The following PLG variants were observed in gnomAD, a reference collection of about 807,000 sequenced individuals.
PLG encodes the protein plasmin.
A neutral mutation model predicts 104.4 loss-of-function variants in PLG; 41 were observed. The ratio of observed to expected loss-of-function variants is 0.39; its 90% CI spans 0.31 to 0.51. The LOEUF is 0.51. Ranked by LOEUF, PLG falls within the 20% of genes least tolerant of loss-of-function variation. The pLI is 0.76. For missense variants in PLG, 891 were observed against 1,003.6 expected, an observed-to-expected ratio of 0.89 and a Z score of 1.52; for synonymous variants, 337 against 357.1, an observed-to-expected ratio of 0.94 and a Z score of 0.63.
At chr6:160,747,574 T>G (rs1458995309) in intron 17 of PLG, among the ~76,000 whole-genome samples, 1 of 152,184 alleles carries the variant, frequency 6.6e-6, no homozygotes, top group Non-Finnish European at 1.5e-5. Flanking sequence ...CATTTTCAAG[T>G]GGTGTTTTTC....
chr6:160,738,970 G>T lies in PLG; in HGVS notation c.1878-98G>T. On this transcript the variant is annotated intron_variant, in intron 15 of 18. Coordinates refer to ENST00000308192, the MANE Select transcript of PLG (RefSeq NM_000301.5). This position sits in a 1 kb window ranked among gnomAD's most constrained non-coding sequence, Gnocchi z 6.8. Reference sequence around the variant, plus strand: ...CACTCAGAAGTCACTAATTCTGAGTGGCCAAGGGTGTCAGGGAGACAGCAC... The same window carrying T: ...CACTCAGAAGTCACTAATTCTGAGTTGCCAAGGGTGTCAGGGAGACAGCAC... The T allele has an allele frequency of 7.1e-7, 1 of 1,409,752 alleles. No homozygotes were observed. The highest frequency in any genetic ancestry group is 1.2e-5 in the South Asian group (1 of 86,432). 87.3% of individuals were successfully genotyped at this position (1,409,752 alleles called of 1,614,324 possible). A position where few individuals can be genotyped will look rare whatever the true frequency, so the allele number is the denominator to read the frequency against.
chr6:160,748,358 A>AAG (rs1778317413), intron 17 of PLG, among the ~76,000 whole-genome samples: 1 of 35,174 alleles, frequency 2.8e-5, no homozygotes, highest in African/African-American at 1.0e-4. Context: ...AAGAGAAAGA[A>AAG]AGAAAGAAAG....
rs1404070341 is a variant in PLG, at chr6:160,748,366, A to AAGAAAGAAAGAGAGAGAGAGAGAG, written c.2126-3738_2126-3737insGAGAGAGAGAGAGAGAAAGAAAGA. 1.2e-3 allele frequency among the ~76,000 whole-genome samples: 45 copies of AAGAAAGAAAGAGAGAGAGAGAGAG among 38,132 alleles called. 6 individuals carry two copies. In the East Asian group the frequency reaches 0.037, roughly 32 times the overall value. The allele number at this position is 38,132 out of a possible 152,430, so 25.0% of individuals were successfully genotyped here. Reference sequence around the variant, plus strand: ...GAAAAGAAAGAGAAAGAAAGAAAGAAAGAAAGAAAGAAAGAAAGAAAGAAA... The same window carrying AAGAAAGAAAGAGAGAGAGAGAGAG: ...GAAAAGAAAGAGAAAGAAAGAAAGAAAGAAAGAAAGAGAGAGAGAGAGAGAGAAAGAAAGAAAGAAAGAAAGAAA... On this transcript the variant is annotated intron_variant, in intron 17 of 18. Coordinates refer to ENST00000308192, the MANE Select transcript of PLG (RefSeq NM_000301.5).
In PLG at chr6:160,711,145, G is replaced by T. The variant is rs775557740; in HGVS notation, c.361G>T (p.Gly121Cys). The change falls in exon 4 of 19, where the codon GGC (glycine) becomes TGC (cysteine). Residue 121 changes from glycine (G) to cysteine (C), a missense_variant. Physicochemically the swap from Gly to Cys is radical, Grantham distance 159 (BLOSUM62 -3). Transcript: ENST00000308192. ...AGGGACGATGTCCAAAACAAAAAAT[G>T]GCATCACCTGTCAAAAATGGAGTTC... ...YRGTMSKTKN[G>C]ITCQKWSSTS... is the part of the protein sequence containing the mutation. The T allele has an allele frequency of 6.8e-6, 11 of 1,611,646 alleles. No homozygotes were observed. Among genetic ancestry groups the T allele is most frequent in the Non-Finnish European group, 9.3e-6 (11 of 1,177,928 alleles).
intron 1 of PLG, among the ~76,000 whole-genome samples, chr6:160,704,446 T>A (rs976412191): frequency 2.0e-5 from 3 of 152,232 alleles, no homozygotes; most frequent in Non-Finnish European, 4.4e-5. Flanking sequence ...TCAAAAAAAC[T>A]CTTCAGAAAG....
Position 160,718,293 on chromosome 6 carries a change from G to C in PLG, c.788-1G>C. ...ATTGTAACTTATTTTGCCCATTCAA[G>C]CAACACCTCCACCATCTTCTGGTCC... On this transcript the variant is annotated splice_acceptor_variant, in intron 7 of 18. Transcript: ENST00000308192. LOFTEE classifies it high-confidence loss of function. The C allele has an allele frequency of 6.2e-7, 1 of 1,612,974 alleles. No homozygotes were observed. The highest frequency in any genetic ancestry group is 8.5e-7 in the Non-Finnish European group (1 of 1,178,924).
rs532027310 is a variant in PLG at position 160,716,721 on chromosome 6, G to A, written c.745G>A (p.Asp249Asn). 16 of 1,613,052 alleles carry A rather than the reference G, an allele frequency of 9.9e-6. No individual in the cohort carries two copies. Among genetic ancestry groups the A allele is most frequent in the Admixed American group, 3.3e-5 (2 of 60,032 alleles). ...GCTGCGGCCTTGGTGTTTCACCACC[G>A]ACCCCAACAAGCGCTGGGAACTTTG... ...RELRPWCFTTDPNKRWELCDI... is the reference protein window; with the variant it reads ...RELRPWCFTTNPNKRWELCDI... The change falls in exon 7 of 19, where the codon GAC becomes AAC. Residue 249 changes from aspartate to asparagine, a missense_variant. Asp to Asn is a conservative substitution (Grantham distance 23, BLOSUM62 1). Coordinates refer to ENST00000308192, the MANE Select transcript of PLG (RefSeq NM_000301.5).
chr6:160,726,221 A>G lies in PLG; in HGVS notation c.1256+3654A>G, dbSNP rs1196145396. Among the ~76,000 whole-genome samples, 1 of 152,114 alleles carries G rather than the reference A, an allele frequency of 6.6e-6. No individual in the cohort carries two copies. The highest frequency in any genetic ancestry group is 1.5e-5 in the Non-Finnish European group (1 of 67,964). ...CTACAGCAAGTCTTAATAGATTGAAAAGAATTAAAATGATACAGAGTCTGT... is the reference window on the plus strand; with the variant it reads ...CTACAGCAAGTCTTAATAGATTGAAGAGAATTAAAATGATACAGAGTCTGT... On this transcript the variant is annotated intron_variant, in intron 10 of 18. Transcript: ENST00000308192. This position sits in a 1 kb window ranked among gnomAD's most constrained non-coding sequence, Gnocchi z 4.4.
intron 17 of PLG, among the ~76,000 whole-genome samples, chr6:160,746,840 A>G (rs1778285099): frequency 6.6e-6 from 1 of 152,164 alleles, no homozygotes; most frequent in Non-Finnish European, 1.5e-5. Flanking sequence ...TTGGTTTCAT[A>G]GTGTGGTATG....
In PLG at chr6:160,736,286, G is replaced by T. The variant is rs1778082147; in HGVS notation, c.1682-601G>T. Reference sequence around the variant, plus strand: ...TGTTTAAGTCACCCCCACGGCCGTTGGTTAGTCATGGGAGGCTCCCCAGAG... The same window carrying T: ...TGTTTAAGTCACCCCCACGGCCGTTTGTTAGTCATGGGAGGCTCCCCAGAG... On this transcript the variant is annotated intron_variant, in intron 13 of 18. Coordinates refer to ENST00000308192, the MANE Select transcript of PLG (RefSeq NM_000301.5). The surrounding 1 kb of genome is among the most constrained non-coding windows in gnomAD (Gnocchi z 5.2). Among the ~76,000 whole-genome samples the T allele has an allele frequency of 6.6e-6, 1 of 152,152 alleles. No homozygotes were observed. The highest frequency in any genetic ancestry group is 2.4e-5 in the African/African-American group (1 of 41,428).
chr6:160,744,139 G>A lies in PLG; in HGVS notation c.2125+2722G>A, dbSNP rs150249656. Reference sequence around the variant, plus strand: ...AGTTTTTTGTTGTTTTTGTGTCTCTGCCAGGTTTTGGTATCAGGATGATGC... The same window carrying A: ...AGTTTTTTGTTGTTTTTGTGTCTCTACCAGGTTTTGGTATCAGGATGATGC... On this transcript the variant is annotated intron_variant, in intron 17 of 18. Transcript: ENST00000308192. This position sits in a 1 kb window ranked among gnomAD's most constrained non-coding sequence, Gnocchi z 4.5. 1.2e-4 allele frequency among the ~76,000 whole-genome samples: 19 copies of A among 152,216 alleles called. No homozygotes were observed. The highest frequency in any genetic ancestry group is 2.1e-4 in the Non-Finnish European group (14 of 67,998).
At chr6:160,705,163 T>G (rs187397421) in intron 1 of PLG, among the ~76,000 whole-genome samples, 63 of 152,258 alleles carry the variant, frequency 4.1e-4, no homozygotes, top group African/African-American at 1.4e-3. Flanking sequence ...TTTATTAGCC[T>G]CTTTTGGCCT....
At chr6:160,749,768 C>T (rs1490164333) in intron 17 of PLG, among the ~76,000 whole-genome samples, 2 of 151,760 alleles carry the variant, frequency 1.3e-5, no homozygotes, top group East Asian at 1.9e-4. Context: ...CCATCACCAC[C>T]GCCACCACCT....
At chr6:160,716,450 A>C (rs1207919244) in intron 6 of PLG, among the ~76,000 whole-genome samples, 195 bp from the exon 7 acceptor site, 1 of 152,162 alleles carries the variant, frequency 6.6e-6, no homozygotes, top group Non-Finnish European at 1.5e-5. Flanking sequence ...AACAAACAAA[A>C]AAAAGAAAGT....
intron 17 of PLG, among the ~76,000 whole-genome samples, chr6:160,748,413 A>AAAGAAAGG: frequency 1.4e-5 from 1 of 73,042 alleles, no homozygotes; most frequent in Non-Finnish European, 2.7e-5. Flanking sequence ...AGAAAGAAAG[A>AAAGAAAGG]AAGGGAAAGA....
Position 160,738,633 on chromosome 6 carries a change from ACATGAAGTCTTGT to A in PLG, c.1877+23_1877+35del. ...GAGAAGTATGTTTAGGGGACAATTG[ACATGAAGTCTTGT>A]CTTAAATACTTTTTCTGTCCTTCTT... On this transcript the variant is annotated intron_variant, in intron 15 of 18. Transcript: ENST00000308192. The surrounding 1 kb of genome is among the most constrained non-coding windows in gnomAD (Gnocchi z 6.8). 6.8e-7 allele frequency: 1 copy of A among 1,470,090 alleles called. No individual in the cohort carries two copies. Among genetic ancestry groups the A allele is most frequent in the Non-Finnish European group, 9.5e-7 (1 of 1,048,412 alleles). The allele number at this position is 1,470,090 out of a possible 1,614,324, so 91.1% of individuals were successfully genotyped here. A position where few individuals can be genotyped will look rare whatever the true frequency, so the allele number is the denominator to read the frequency against.
In PLG at chr6:160,723,994, G is replaced by T. The variant is rs1173708679; in HGVS notation, c.1256+1427G>T. On this transcript the variant is annotated intron_variant, in intron 10 of 18. Coordinates refer to ENST00000308192, the MANE Select transcript of PLG (RefSeq NM_000301.5). The surrounding 1 kb of genome is among the most constrained non-coding windows in gnomAD (Gnocchi z 4.7). ...CGATCTCCAAGTAAATTAACTGATT[G>T]CCAGAAGAAAATTCAACCCTTTAGA... Among the ~76,000 whole-genome samples the T allele has an allele frequency of 6.6e-6, 1 of 152,202 alleles. No homozygotes were observed. Among genetic ancestry groups the T allele is most frequent in the Non-Finnish European group, 1.5e-5 (1 of 68,044 alleles).
At chr6:160,702,238 T>C, upstream of PLG, 1 of 1,589,394 alleles carries the variant, frequency 6.3e-7, no homozygotes, top group Non-Finnish European at 8.6e-7. Context: ...ATGCGTTTAC[T>C]CTCATGTAAG....
chr6:160,744,122 G>A lies in PLG; in HGVS notation c.2125+2705G>A, dbSNP rs1196964299. Among the ~76,000 whole-genome samples, 1 of 151,978 alleles carries A rather than the reference G, an allele frequency of 6.6e-6. No individual in the cohort carries two copies. Among genetic ancestry groups the A allele is most frequent in the Non-Finnish European group, 1.5e-5 (1 of 67,924 alleles). ...CAAGGATATTGGCCTGAAGTTTTTT[G>A]TTGTTTTTGTGTCTCTGCCAGGTTT... On this transcript the variant is annotated intron_variant, in intron 17 of 18. Transcript: ENST00000308192. This position sits in a 1 kb window ranked among gnomAD's most constrained non-coding sequence, Gnocchi z 4.5.
Sources: gnomAD v4.1 joint callset for allele counts (sites outside exome capture counted in the v4.1 genomes callset) on GRCh38, gnomAD v4.1.1 for gene constraint, Gnocchi (gnomAD v3.1) non-coding constraint, MANE v1.5 for transcripts, NCBI Gene and HGNC (gene_info 2026-07-23, HGNC 2026-07-21) for gene names.